Variants in MYORG observed in about 807,000 individuals in gnomAD.
The protein encoded by MYORG is alpha-galactosidase MYORG.
MYORG carries 45 observed loss-of-function variants against 49.8 expected under a neutral mutation model. The ratio of observed to expected loss-of-function variants is 0.90; its 90% CI spans 0.71 to 1.16. The LOEUF is 1.16. Among genes scored for constraint, MYORG ranks in the 50% most tolerant of loss-of-function variants. MYORG has a pLI of 0.00. For synonymous variants in MYORG, 552 were observed against 462.9 expected, an observed-to-expected ratio of 1.19 and a Z score of -2.47; for missense variants, 1,110 against 1,026.5, an observed-to-expected ratio of 1.08 and a Z score of -1.11.
rs1197957368 is a variant in MYORG at position 34,376,368 on chromosome 9, A to C, written c.-64+425T>G. ...TGAGCCTCTCCCCACCGGACACTCA[A>C]CCTCAGCCTTGGCTGCCACAGCTAG... On this transcript the variant is annotated intron_variant, in intron 1 of 1. Transcript: ENST00000297625. The surrounding 1 kb of genome is among the most constrained non-coding windows in gnomAD (Gnocchi z 4.4). Among the ~76,000 whole-genome samples, 2 of 152,018 alleles carry C rather than the reference A, an allele frequency of 1.3e-5. No individual in the cohort carries two copies. The highest frequency in any genetic ancestry group is 2.9e-5 in the Non-Finnish European group (2 of 67,974).
At position 34,372,229 on chromosome 9, in the gene MYORG, C is replaced by T. The variant is rs1820621664; in HGVS notation, c.715G>A (p.Val239Ile). 2 of 1,611,626 alleles carry T rather than the reference C, an allele frequency of 1.2e-6. No homozygotes were observed. Among genetic ancestry groups the T allele is most frequent in the Non-Finnish European group, 8.5e-7 (1 of 1,179,280 alleles). The change falls in exon 2 of 2, where the codon GTC becomes ATC. Residue 239 changes from valine (V) to isoleucine (I), a missense_variant. Transcript: ENST00000297625. ...AGGTGGAAGGGCACTGAGTCATTGA[C>T]TTTGATGGCGGCCGCGCGCGAAGAT... ...WLSSRAAAIKVNDSVPFHLGW... is the reference protein window; with the variant it reads ...WLSSRAAAIKINDSVPFHLGW...
At chr9:34,374,925 A>G (rs989939482) in intron 1 of MYORG, among the ~76,000 whole-genome samples, 1 of 148,286 alleles carries the variant, frequency 6.7e-6, no homozygotes, top group Non-Finnish European at 1.5e-5. Context: ...AAATACAGAT[A>G]TGACTACAGG....
Position 34,368,350 on chromosome 9 carries a change from G to C in MYORG, c.*2449C>G, listed in dbSNP as rs987480944. ...TTATGCAAATTTCTGCAGGGGGCTT[G>C]AATTTATCCTCAGAAAATGGGTTTT... On this transcript the variant is annotated 3_prime_UTR_variant, in exon 2 of 2. Coordinates refer to ENST00000297625, the MANE Select transcript of MYORG (RefSeq NM_020702.5). The C allele has an allele frequency of 1.3e-5, 2 of 152,364 alleles. No individual in the cohort carries two copies. The highest frequency in any genetic ancestry group is 6.5e-5 in the Admixed American group (1 of 15,306). The allele number at this position is 152,364 out of a possible 1,614,324, so 9.4% of individuals were successfully genotyped here.
Position 34,370,719 on chromosome 9 carries a change from G to T in MYORG, c.*80C>A. On this transcript the variant is annotated 3_prime_UTR_variant, in exon 2 of 2. Transcript: ENST00000297625. ...GTATAGAGGTGGGAGGTTCCTGGGA[G>T]TACATGGTGCGGGTGTGACGGAGGG... 1.4e-6 allele frequency: 2 copies of T among 1,457,114 alleles called. No individual in the cohort carries two copies. Among genetic ancestry groups the T allele is most frequent in the East Asian group, 2.5e-5 (1 of 40,150 alleles). 90.3% of individuals were successfully genotyped at this position (1,457,114 alleles called of 1,614,324 possible). A position where few individuals can be genotyped will look rare whatever the true frequency, so the allele number is the denominator to read the frequency against.
rs935833306 is a variant in MYORG at position 34,371,710 on chromosome 9, C to G, written c.1234G>C (p.Val412Leu). 1.2e-6 allele frequency: 2 copies of G among 1,611,234 alleles called. No homozygotes were observed. ...FGEGVERELF[V>L]REPTGRLPAL... ...GGTAACCGGCCCGTGGGTTCGCGCACGAACAGCTCGCGCTCCACGCCCTCG... is the reference window on the plus strand; with the variant it reads ...GGTAACCGGCCCGTGGGTTCGCGCAGGAACAGCTCGCGCTCCACGCCCTCG... The change falls in exon 2 of 2, where the codon GTG becomes CTG. Residue 412 changes from valine to leucine, a missense_variant. Physicochemically the swap from Val to Leu is conservative, Grantham distance 32. Transcript: ENST00000297625.
rs1408831580 is a variant in MYORG, at chr9:34,371,936, A to G, written c.1008T>C (p.Phe336=). 1 of 1,613,944 alleles carries G rather than the reference A, an allele frequency of 6.2e-7. No individual in the cohort carries two copies. The highest frequency in any genetic ancestry group is 8.5e-7 in the Non-Finnish European group (1 of 1,179,894). ...AGTGGTGCAGGCGGATCTGTTGGGC[A>G]AAACGCAGCACCTTGTCCTGGTCCA... ...RAVDQDKVLR[F]AQQIRLHHFN... is the part of the protein sequence containing the mutation. The change falls in exon 2 of 2, where the codon TTT becomes TTC. Residue 336 remains phenylalanine (F), a synonymous_variant. Transcript: ENST00000297625.
Position 34,373,000 on chromosome 9 carries a change from A to G in MYORG, c.-57T>C. 6.4e-7 allele frequency: 1 copy of G among 1,571,006 alleles called. No homozygotes were observed. Reference sequence around the variant, plus strand: ...GGGCCATCTGACTGAGTTCATCTCAACCTGCTCTGAAAGGAGGAGACAGAG... The same window carrying G: ...GGGCCATCTGACTGAGTTCATCTCAGCCTGCTCTGAAAGGAGGAGACAGAG... On this transcript the variant is annotated 5_prime_UTR_variant, in exon 2 of 2. Coordinates refer to ENST00000297625, the MANE Select transcript of MYORG (RefSeq NM_020702.5).
Position 34,372,104 on chromosome 9 carries a change from G to A in MYORG, c.840C>T (p.Ser280=), listed in dbSNP as rs775213756. The change falls in exon 2 of 2, where the codon AGC becomes AGT. Residue 280 remains serine (S), a synonymous_variant. Transcript: ENST00000297625. ...CGTCTGAGCCCACGCACACTCGGTA[G>A]CTCAGCTCTGGCGCTGCGGCGCGGC... is the stretch of plus-strand genomic sequence containing the variant. ...PAGRAAAPEL[S]YRVCVGSDVT... is the part of the protein sequence containing the mutation. The A allele has an allele frequency of 2.5e-6, 4 of 1,613,216 alleles. No homozygotes were observed. In the South Asian group the frequency reaches 4.4e-5, roughly 18 times the overall value.
Position 34,376,031 on chromosome 9 carries a change from T to G in MYORG, c.-64+762A>C, listed in dbSNP as rs1820711111. 6.6e-6 allele frequency among the ~76,000 whole-genome samples: 1 copy of G among 152,174 alleles called. No individual in the cohort carries two copies. The highest frequency in any genetic ancestry group is 2.1e-4 in the South Asian group (1 of 4,828). ...GCCCAGCTCTCCACAGTGTAAGTTT[T>G]AGGAGATGGGAGATAATGATCTGAC... On this transcript the variant is annotated intron_variant, in intron 1 of 1. Transcript: ENST00000297625. The surrounding 1 kb of genome is among the most constrained non-coding windows in gnomAD (Gnocchi z 4.4).
chr9:34,371,720 G>A lies in MYORG; in HGVS notation c.1224C>T (p.Arg408=), dbSNP rs1397288809. ...NSSRFGEGVE[R]ELFVREPTGR... Reference sequence around the variant, plus strand: ...CCGTGGGTTCGCGCACGAACAGCTCGCGCTCCACGCCCTCGCCGAAGCGCG... The same window carrying A: ...CCGTGGGTTCGCGCACGAACAGCTCACGCTCCACGCCCTCGCCGAAGCGCG... Residue 408 remains arginine (R), a synonymous_variant, in exon 2 of 2, where the codon CGC becomes CGT. Coordinates refer to ENST00000297625, the MANE Select transcript of MYORG (RefSeq NM_020702.5). 1.2e-6 allele frequency: 2 copies of A among 1,611,754 alleles called. No individual in the cohort carries two copies. Among genetic ancestry groups the A allele is most frequent in the South Asian group, 1.1e-5 (1 of 90,870 alleles).
chr9:34,372,089 C>G lies in MYORG; in HGVS notation c.855G>C (p.Val285=). The G allele has an allele frequency of 6.2e-7, 1 of 1,613,484 alleles. No individual in the cohort carries two copies. The highest frequency in any genetic ancestry group is 1.1e-5 in the South Asian group (1 of 91,090). ...AAPELSYRVC[V]GSDVTSIHKY... is the part of the protein sequence containing the mutation. ...TGTGGATGGAGGTGACGTCTGAGCCCACGCACACTCGGTAGCTCAGCTCTG... is the reference window on the plus strand; with the variant it reads ...TGTGGATGGAGGTGACGTCTGAGCCGACGCACACTCGGTAGCTCAGCTCTG... The change falls in exon 2 of 2, where the codon GTG becomes GTC. Residue 285 remains valine (V), a synonymous_variant. Transcript: ENST00000297625.
At chr9:34,374,481 G>A (rs80287058) in intron 1 of MYORG, among the ~76,000 whole-genome samples, 4,079 of 152,122 alleles carry the variant, frequency 0.027, 190 homozygotes, top group African/African-American at 0.093. Context: ...ACCTGCTTCA[G>A]GAGATTTCAC....
In MYORG at chr9:34,370,814, A is replaced by G. The variant is rs892199077; in HGVS notation, c.2130T>C (p.Phe710=). ...YPVDLDEIAY[F]TWAS is the part of the protein sequence containing the mutation. ...CTGGGCTGGGTCAGGACGCCCAGGT[A>G]AAGTAGGCGATCTCATCCAGGTCGA... Residue 710 remains phenylalanine (F), a synonymous_variant, in exon 2 of 2, where the codon TTT becomes TTC. Transcript: ENST00000297625. 3.2e-6 allele frequency: 5 copies of G among 1,581,848 alleles called. No homozygotes were observed. The highest frequency in any genetic ancestry group is 4.3e-6 in the Non-Finnish European group (5 of 1,157,926).
chr9:34,370,976 A>G lies in MYORG; in HGVS notation c.1968T>C (p.Ile656=). The G allele has an allele frequency of 3.1e-6, 5 of 1,613,594 alleles. No individual in the cohort carries two copies. Among genetic ancestry groups the G allele is most frequent in the Non-Finnish European group, 4.2e-6 (5 of 1,179,890 alleles). The change falls in exon 2 of 2, where the codon ATT becomes ATC. Residue 656 remains isoleucine, a synonymous_variant. Transcript: ENST00000297625. ...CCGGGGCCACAAGCAGCGTGTCCCC[A>G]ATAAGGAACTGCGAGTCGATACGGT... is the stretch of plus-strand genomic sequence containing the variant. ...TAHRIDSQFL[I]GDTLLVAPVL...
Position 34,371,869 on chromosome 9 carries a change from C to T in MYORG, c.1075G>A (p.Ala359Thr), listed in dbSNP as rs563073920. Residue 359 changes from alanine to threonine, a missense_variant, in exon 2 of 2, where the codon GCT (alanine) becomes ACT (threonine). Physicochemically the swap from Ala to Thr is moderately conservative, Grantham distance 58. Transcript: ENST00000297625. The part of the protein sequence containing the change: ...HLEIDDMYTP[A>T]YGDFDFDEVK... ...TCATCGAAGTCGAAGTCGCCATAAG[C>T]AGGTGTGTACATGTCGTCGATTTCC... 1.9e-6 allele frequency: 3 copies of T among 1,614,070 alleles called. No individual in the cohort carries two copies. Among genetic ancestry groups the T allele is most frequent in the South Asian group, 2.2e-5 (2 of 91,090 alleles).
At chr9:34,373,534 T>C (rs1048303553) in intron 1 of MYORG, among the ~76,000 whole-genome samples, 4 of 151,986 alleles carry the variant, frequency 2.6e-5, no homozygotes, top group Non-Finnish European at 4.4e-5. Flanking sequence ...CTCACTGCAA[T>C]CTCTGCCTCT....
rs1461671854 is a variant in MYORG, at chr9:34,366,870, G to GT, written c.*3928dup. On this transcript the variant is annotated 3_prime_UTR_variant, in exon 2 of 2. Coordinates refer to ENST00000297625, the MANE Select transcript of MYORG (RefSeq NM_020702.5). ...GATAAGTGATAGAATCAGCACTTGA[G>GT]TTGTGCATCTGTGAGGGCCCCAAAG... 2.0e-5 allele frequency: 3 copies of GT among 152,238 alleles called. No individual in the cohort carries two copies. The allele number at this position is 152,238 out of a possible 1,614,324, so 9.4% of individuals were successfully genotyped here. A position where few individuals can be genotyped will look rare whatever the true frequency, so the allele number is the denominator to read the frequency against.
At position 34,372,754 on chromosome 9, in the gene MYORG, C is replaced by T; in HGVS notation, c.190G>A (p.Gly64Arg). The T allele has an allele frequency of 6.2e-7, 1 of 1,613,852 alleles. No individual in the cohort carries two copies. The highest frequency in any genetic ancestry group is 8.5e-7 in the Non-Finnish European group (1 of 1,179,808). Residue 64 changes from glycine (G) to arginine (R), a missense_variant, in exon 2 of 2, where the codon GGG becomes AGG. Physicochemically the swap from Gly to Arg is moderately radical, Grantham distance 125. Coordinates refer to ENST00000297625, the MANE Select transcript of MYORG (RefSeq NM_020702.5). ...LKPLLGSAVLGLLLVLAAVVA... is the reference protein window; with the variant it reads ...LKPLLGSAVLRLLLVLAAVVA... ...ACCGCGGCCAGCACAAGCAGCAGCC[C>T]CAGAACCGCGGAGCCCAGCAGCGGC...
Position 34,370,700 on chromosome 9 carries a change from A to G in MYORG, c.*99T>C. ...AGCAGCCACTTAATGGGTGGTATAGAGGTGGGAGGTTCCTGGGAGTACATG... is the reference window on the plus strand; with the variant it reads ...AGCAGCCACTTAATGGGTGGTATAGGGGTGGGAGGTTCCTGGGAGTACATG... On this transcript the variant is annotated 3_prime_UTR_variant, in exon 2 of 2. Coordinates refer to ENST00000297625, the MANE Select transcript of MYORG (RefSeq NM_020702.5). 7.4e-7 allele frequency: 1 copy of G among 1,360,082 alleles called. No individual in the cohort carries two copies. The highest frequency in any genetic ancestry group is 9.5e-7 in the Non-Finnish European group (1 of 1,053,614). The allele number at this position is 1,360,082 out of a possible 1,614,324, so 84.3% of individuals were successfully genotyped here.
Sources: gnomAD v4.1 joint callset for allele counts (sites outside exome capture counted in the v4.1 genomes callset) on GRCh38, gnomAD v4.1.1 for gene constraint, Gnocchi (gnomAD v3.1) non-coding constraint, MANE v1.5 for transcripts, NCBI Gene and HGNC (gene_info 2026-07-23, HGNC 2026-07-21) for gene names.